UBA3: variants seen among roughly 807,000 people sequenced by gnomAD.
UBA3 encodes the protein ubiquitin like modifier activating enzyme 3, also known as NEDD8-activating enzyme E1 catalytic subunit.
UBA3 carries 26 observed loss-of-function variants against 73.5 expected under a neutral mutation model. That is an observed-to-expected ratio of 0.35 (90% confidence interval 0.26 to 0.49). The LOEUF is 0.49. Among genes scored for constraint, UBA3 ranks in the 20% least tolerant of loss-of-function variants. The probability of loss-of-function intolerance (pLI) is 0.98; values close to 1 mark genes in which losing one functional copy is unlikely to be tolerated. For missense variants in UBA3, 495 were observed against 555.6 expected (o/e 0.89, Z 1.10); for synonymous variants, 217 against 191.2 (o/e 1.13, Z -1.11).
rs1364786472 is a variant in UBA3, at chr3:69,054,750, TAATA to T, written c.*683_*686del. 2.0e-5 allele frequency: 3 copies of T among 152,320 alleles called. No homozygotes were observed. Among genetic ancestry groups the T allele is most frequent in the Non-Finnish European group, 2.9e-5 (2 of 68,026 alleles). The allele number at this position is 152,320 out of a possible 1,614,324, so 9.4% of individuals were successfully genotyped here. On this transcript the variant is annotated 3_prime_UTR_variant, in exon 18 of 18. Coordinates refer to ENST00000361055, the MANE Select transcript of UBA3 (RefSeq NM_003968.4). ...AGAAGTACACAATATATGATTTTATTAATAAATAGTGCAAAAGCATCAGTGATAA... is the reference window on the plus strand; with the variant it reads ...AGAAGTACACAATATATGATTTTATTAATAGTGCAAAAGCATCAGTGATAA...
chr3:69,069,862 C>T (rs779714669), intron 5 of UBA3, among the ~76,000 whole-genome samples: 2 of 152,262 alleles, frequency 1.3e-5, no homozygotes, highest in Middle Eastern at 6.8e-3. Context: ...TTTTATGGCA[C>T]GGCCCAAACA....
chr3:69,062,727 A>T (rs1304402608), intron 9 of UBA3, among the ~76,000 whole-genome samples: 1 of 152,220 alleles, frequency 6.6e-6, no homozygotes, highest in Non-Finnish European at 1.5e-5. Context: ...ACAACTTTGT[A>T]ATTCTACTTG....
chr3:69,072,981 C>T (rs934306954), intron 4 of UBA3, among the ~76,000 whole-genome samples: 1 of 152,124 alleles, frequency 6.6e-6, no homozygotes. Context: ...GTCACCACAT[C>T]CAATGCTACC....
chr3:69,056,230 T>A lies in UBA3; in HGVS notation c.1137A>T (p.Ser379=), dbSNP rs772113032. 1.9e-6 allele frequency: 3 copies of A among 1,605,024 alleles called. No individual in the cohort carries two copies. The highest frequency in any genetic ancestry group is 2.5e-6 in the Non-Finnish European group (3 of 1,177,502). Residue 379 remains serine, a synonymous_variant, in exon 15 of 18, where the codon TCA becomes TCT. Transcript: ENST00000361055. ...AATCCAAAACCTCCTGTAGTTTAGC[T>A]GATGGAGAAAACTGAATATTTTGAG... ...QLPQNIQFSP[S]AKLQEVLDYL... is the part of the protein sequence containing the mutation.
intron 2 of UBA3, among the ~76,000 whole-genome samples, chr3:69,078,664 G>T (rs1216129834): frequency 6.6e-6 from 1 of 152,052 alleles, no homozygotes; most frequent in Non-Finnish European, 1.5e-5. Flanking sequence ...AGTAGAGACG[G>T]GTTTCGCCAT....
chr3:69,061,156 G>C (rs1209594590), intron 11 of UBA3, among the ~76,000 whole-genome samples: 1 of 152,226 alleles, frequency 6.6e-6, no homozygotes, highest in Non-Finnish European at 1.5e-5. Context: ...AAGGGAATTA[G>C]ACTGTATACA....
chr3:69,080,243 G>A lies in UBA3; in HGVS notation c.21-90C>T, dbSNP rs1350090523. 10 of 1,544,910 alleles carry A rather than the reference G, an allele frequency of 6.5e-6. No individual in the cohort carries two copies. The East Asian group carries it at 1.9e-4, about 30-fold the overall frequency. ...GGCGAGGGGACGGGGCGGGGGGTGT[G>A]GGGACCCCGGGTGGCGGCGGCAACC... is the stretch of plus-strand genomic sequence containing the variant. On this transcript the variant is annotated intron_variant, in intron 1 of 17. Coordinates refer to ENST00000361055, the MANE Select transcript of UBA3 (RefSeq NM_003968.4).
chr3:69,073,688 T>C (rs1012252701), intron 4 of UBA3, among the ~76,000 whole-genome samples: 2 of 150,322 alleles, frequency 1.3e-5, no homozygotes, highest in African/African-American at 4.9e-5. Flanking sequence ...CAGGCTGGAG[T>C]GCAGTGGTGT....
At chr3:69,058,441 G>T (rs185427024) in intron 11 of UBA3, among the ~76,000 whole-genome samples, 1 of 152,258 alleles carries the variant, frequency 6.6e-6, no homozygotes, top group East Asian at 1.9e-4. Context: ...AGGAAAAACA[G>T]CAAGTAGCTA....
intron 5 of UBA3, among the ~76,000 whole-genome samples, chr3:69,070,486 CTAAA>C (rs1437077874): frequency 6.6e-6 from 1 of 151,974 alleles, no homozygotes; most frequent in African/African-American, 2.4e-5. Flanking sequence ...TGCAAACTTC[CTAAA>C]TAGAGAGAGA....
At chr3:69,065,164 T>A (rs1466477044) in intron 6 of UBA3, among the ~76,000 whole-genome samples, 1 of 152,074 alleles carries the variant, frequency 6.6e-6, no homozygotes, top group Non-Finnish European at 1.5e-5. Context: ...TAATCTGGAT[T>A]TCTAGAAAAT....
intron 2 of UBA3, 130 bp from the exon 3 acceptor site, chr3:69,078,048 T>C (rs1445181679): frequency 1.7e-6 from 2 of 1,210,104 alleles, no homozygotes; most frequent in Non-Finnish European, 1.1e-6. Context: ...AAATATTCAA[T>C]GTGATTATGT....
chr3:69,056,413 A>C, intron 14 of UBA3, 130 bp from the exon 15 acceptor site: 1 of 912,916 alleles, frequency 1.1e-6, no homozygotes, highest in Non-Finnish European at 1.6e-6. Context: ...TTTATGCTTT[A>C]AAGCCTGCTT....
chr3:69,073,894 C>G (rs962151216), intron 4 of UBA3, among the ~76,000 whole-genome samples: 3 of 148,124 alleles, frequency 2.0e-5, no homozygotes, highest in Non-Finnish European at 4.6e-5. Context: ...CCGCCTGCCT[C>G]GGCCTCCCAA....
At chr3:69,057,829 A>C (rs575409915) in intron 11 of UBA3, among the ~76,000 whole-genome samples, 1 of 151,966 alleles carries the variant, frequency 6.6e-6, no homozygotes, top group African/African-American at 2.4e-5. Context: ...ACAAACATTC[A>C]AAAAAAAGAA....
At chr3:69,079,676 G>C (rs943581104) in intron 2 of UBA3, 1 of 182,046 alleles carries the variant, frequency 5.5e-6, no homozygotes, top group African/African-American at 2.4e-5. Flanking sequence ...CTGACATGTA[G>C]AGTTATCATT....
chr3:69,067,260 T>A (rs917981156), intron 6 of UBA3, among the ~76,000 whole-genome samples: 1 of 152,208 alleles, frequency 6.6e-6, no homozygotes, highest in African/African-American at 2.4e-5. Flanking sequence ...ATTTTGTAGT[T>A]TTTCACTATA....
rs774664492 is a variant in UBA3, at chr3:69,055,543, T to G, written c.1304-18A>C. 6.4e-7 allele frequency: 1 copy of G among 1,567,994 alleles called. No homozygotes were observed. The highest frequency in any genetic ancestry group is 8.6e-7 in the Non-Finnish European group (1 of 1,161,364). On this transcript the variant is annotated intron_variant, in intron 17 of 17. Coordinates refer to ENST00000361055, the MANE Select transcript of UBA3 (RefSeq NM_003968.4). ...CCCCAATTCTAAAACAGAAAAAATA[T>G]TATTAATACAAGCAAAAAAAACTCA...
intron 11 of UBA3, among the ~76,000 whole-genome samples, chr3:69,060,139 T>C (rs980903251): frequency 6.6e-6 from 1 of 152,086 alleles, no homozygotes; most frequent in Non-Finnish European, 1.5e-5. Context: ...TCATCAATTA[T>C]TTGAAAAAGA....
Sources: allele counts gnomAD v4.1 joint callset (sites outside exome capture counted in the v4.1 genomes callset), GRCh38; gene constraint gnomAD v4.1.1; transcripts MANE v1.5; gene names NCBI Gene and HGNC (gene_info 2026-07-23, HGNC 2026-07-21).